HS6ST2: variants seen among roughly 807,000 people sequenced by gnomAD.
HS6ST2 encodes heparan-sulfate 6-O-sulfotransferase 2.
HS6ST2 carries 17 observed loss-of-function variants against 33.0 expected under a neutral mutation model. The ratio of observed to expected loss-of-function variants is 0.52; its 90% CI spans 0.35 to 0.77. HS6ST2 has a LOEUF of 0.77. Among genes scored for constraint, HS6ST2 ranks in the 30% least tolerant of loss-of-function variants. The pLI is 0.01. For missense variants in HS6ST2, 519 were observed against 551.7 expected, an observed-to-expected ratio of 0.94 and a Z score of 0.59; for synonymous variants, 248 against 237.1, an observed-to-expected ratio of 1.05 and a Z score of -0.42.
At chrX:132,844,061 C>T (rs2065728615) in intron 2 of HS6ST2, among the ~76,000 whole-genome samples, 2 of 111,893 alleles carry the variant, frequency 1.8e-5, no homozygotes, top group Non-Finnish European at 3.8e-5. Flanking sequence ...ATCCTACATT[C>T]GCTTTTATAG....
At chrX:132,670,996 T>C (rs1326649414) in intron 3 of HS6ST2, among the ~76,000 whole-genome samples, 1 of 111,657 alleles carries the variant, frequency 9.0e-6, no homozygotes, top group African/African-American at 3.3e-5. Context: ...TCCTGCACAG[T>C]GCAGGGACCA....
At chrX:132,747,543 G>T (rs2064655943) in intron 2 of HS6ST2, among the ~76,000 whole-genome samples, 1 of 110,753 alleles carries the variant, frequency 9.0e-6, no homozygotes, top group Non-Finnish European at 1.9e-5. Flanking sequence ...GCCCATAGTT[G>T]CAAAGACTAG....
At chrX:132,842,542 G>C (rs947471786) in intron 2 of HS6ST2, among the ~76,000 whole-genome samples, 1 of 111,407 alleles carries the variant, frequency 9.0e-6, no homozygotes, top group Non-Finnish European at 1.9e-5. Context: ...AGAAAATCCC[G>C]AGAGAGAAAG....
chrX:132,670,619 A>C (rs1161361009), intron 3 of HS6ST2, among the ~76,000 whole-genome samples: 1 of 111,477 alleles, frequency 9.0e-6, no homozygotes, highest in Non-Finnish European at 1.9e-5. Context: ...CCAACATAGC[A>C]AAACCCCATC....
intron 3 of HS6ST2, among the ~76,000 whole-genome samples, chrX:132,683,300 G>A (rs376155936): frequency 5.5e-4 from 62 of 112,077 alleles, no homozygotes; most frequent in South Asian, 4.5e-3. Flanking sequence ...AGAACCAACT[G>A]CTTTCAGGCA....
At chrX:132,828,693 T>TATACACACACACACACAC (rs1337972849) in intron 2 of HS6ST2, among the ~76,000 whole-genome samples, 14 of 72,932 alleles carry the variant, frequency 1.9e-4, no homozygotes, top group Non-Finnish European at 3.2e-4. Flanking sequence ...TATATATATA[T>TATACACACACACACACAC]ACACACACAC....
chrX:132,699,603 CTCTGTATTTCA>C (rs2064127938), intron 3 of HS6ST2, among the ~76,000 whole-genome samples: 1 of 112,032 alleles, frequency 8.9e-6, no homozygotes, highest in Admixed American at 9.5e-5. Context: ...TTTTTTGAGA[CTCTGTATTTCA>C]TCTCTTATGA....
chrX:132,839,291 T>TATATATATATATATATATATATATAC (rs752855642), intron 2 of HS6ST2, among the ~76,000 whole-genome samples: 1 of 58,633 alleles, frequency 1.7e-5, no homozygotes, highest in Non-Finnish European at 3.0e-5. Context: ...TATATATATA[T>TATATATATATATATATATATATATAC]ATATATATAT....
At chrX:132,942,068 C>G (rs1376899118) in intron 2 of HS6ST2, among the ~76,000 whole-genome samples, 1 of 111,806 alleles carries the variant, frequency 8.9e-6, no homozygotes, top group Non-Finnish European at 1.9e-5. Context: ...GCATCATTCA[C>G]ACCAATATGC....
chrX:132,858,954 G>C (rs1391483376), intron 2 of HS6ST2, among the ~76,000 whole-genome samples: 1 of 112,334 alleles, frequency 8.9e-6, no homozygotes, highest in East Asian at 2.8e-4. Context: ...CTGCATTTCA[G>C]CTCCCATTCA....
intron 4 of HS6ST2, among the ~76,000 whole-genome samples, chrX:132,656,340 A>G (rs993696678): frequency 8.9e-6 from 1 of 111,791 alleles, no homozygotes; most frequent in Non-Finnish European, 1.9e-5. Flanking sequence ...GGCATGGTGG[A>G]TAAAGGCGGT....
At chrX:132,637,865 T>C (rs2063568279) in intron 4 of HS6ST2, among the ~76,000 whole-genome samples, 2 of 35,656 alleles carry the variant, frequency 5.6e-5, no homozygotes, top group Admixed American at 4.1e-4. Flanking sequence ...ATATATAATA[T>C]ATTATATATA....
In HS6ST2 at chrX:132,958,292, C is replaced by T; in HGVS notation, c.311G>A (p.Arg104His). ...CCGGCAGAGGGAGCCCAGGTCCCAG[C>T]GTCGCCTGAGGACGTGCATCCGCCT... ...RRRRMHVLRR[R>H]WDLGSLCRAL... The change falls in exon 1 of 5, where the codon CGC becomes CAC. Residue 104 changes from arginine to histidine, a missense_variant. Transcript: ENST00000370833. 1 of 1,193,371 alleles carries T rather than the reference C, an allele frequency of 8.4e-7. No homozygotes were observed. Among genetic ancestry groups the T allele is most frequent in the African/African-American group, 1.7e-5 (1 of 57,873 alleles).
chrX:132,743,915 C>T (rs1304378108), intron 2 of HS6ST2, among the ~76,000 whole-genome samples: 2 of 111,117 alleles, frequency 1.8e-5, no homozygotes, highest in Admixed American at 1.9e-4. Context: ...CACCCAGGTA[C>T]TGAGCAAAGG....
chrX:132,686,049 A>G (rs946292379), intron 3 of HS6ST2, among the ~76,000 whole-genome samples: 3 of 111,905 alleles, frequency 2.7e-5, no homozygotes, highest in African/African-American at 9.7e-5. Context: ...CACAGTAGAT[A>G]TAGGTGAAAG....
intron 2 of HS6ST2, among the ~76,000 whole-genome samples, chrX:132,887,403 C>T (rs1419040615): frequency 9.0e-6 from 1 of 111,668 alleles, no homozygotes; most frequent in Non-Finnish European, 1.9e-5. Flanking sequence ...TAAGTATATG[C>T]CATCAATTGT....
chrX:132,679,896 C>T (rs2063956379), intron 3 of HS6ST2, among the ~76,000 whole-genome samples: 1 of 109,507 alleles, frequency 9.1e-6, no homozygotes, highest in Admixed American at 9.9e-5. Context: ...CCTGGCTCAC[C>T]AGCGGTCAGA....
chrX:132,921,157 A>G (rs2066647664), intron 2 of HS6ST2, among the ~76,000 whole-genome samples: 1 of 112,201 alleles, frequency 8.9e-6, no homozygotes, highest in Admixed American at 9.5e-5. Context: ...TGGAGACAAC[A>G]TGACTTGGTG....
chrX:132,656,118 A>C (rs751571571), intron 4 of HS6ST2, among the ~76,000 whole-genome samples: 1 of 111,554 alleles, frequency 9.0e-6, no homozygotes, highest in East Asian at 2.8e-4. Flanking sequence ...TTTTTCCTCC[A>C]AGTGTTTCAG....
Sources: gnomAD v4.1 joint callset for allele counts (sites outside exome capture counted in the v4.1 genomes callset) on GRCh38, gnomAD v4.1.1 for gene constraint, MANE v1.5 for transcripts, NCBI Gene and HGNC (gene_info 2026-07-23, HGNC 2026-07-21) for gene names.